UGT1A5: variants seen among roughly 807,000 people sequenced by gnomAD.
The protein encoded by UGT1A5 is UDP glucuronosyltransferase family 1 member A5.
UGT1A5 carries 29 observed loss-of-function variants against 40.3 expected under a neutral mutation model. The ratio of observed to expected loss-of-function variants is 0.72; its 90% CI spans 0.54 to 0.98. The LOEUF is 0.98. Ranked by LOEUF, UGT1A5 falls within the 50% of genes least tolerant of loss-of-function variation. UGT1A5 has a pLI of 0.00. For synonymous variants in UGT1A5, 257 were observed against 262.5 expected (o/e 0.98, Z 0.20); for missense variants, 678 against 677.9 (o/e 1.00, Z 0.00).
At chr2:233,755,026 G>C (rs776900288) in intron 1 of UGT1A5, 1 of 1,306,868 alleles carries the variant, frequency 7.7e-7, no homozygotes, top group Admixed American at 1.9e-5. Context: ...TCCTTGAAGG[G>C]CCTGCCGCCT....
rs1699312675 is a variant in UGT1A5, at chr2:233,767,039, T to C, written c.873T>C (p.Phe291=). The change falls in exon 2 of 5, where the codon TTT becomes TTC. Residue 291 remains phenylalanine, a synonymous_variant. Transcript: ENST00000373414. ...AATTTTTCTTCTGGCTCTAGGAATT[T>C]GAAGCCTACATTAATGCTTCTGGAG... ...CANGKPLSQE[F]EAYINASGEH... 1 of 1,614,136 alleles carries C rather than the reference T, an allele frequency of 6.2e-7. No homozygotes were observed. The highest frequency in any genetic ancestry group is 1.1e-5 in the South Asian group (1 of 91,058).
intron 1 of UGT1A5, among the ~76,000 whole-genome samples, chr2:233,739,549 T>C (rs1346005869): frequency 6.6e-6 from 1 of 152,244 alleles, no homozygotes; most frequent in Non-Finnish European, 1.5e-5. Context: ...AGCTTTAAGA[T>C]TTAATGACTG....
chr2:233,729,873 C>A, intron 1 of UGT1A5: 1 of 1,613,864 alleles, frequency 6.2e-7, no homozygotes, highest in Non-Finnish European at 8.5e-7. Context: ...TGGATATTCT[C>A]AGTCATGCAT....
intron 4 of UGT1A5, among the ~76,000 whole-genome samples, 194 bp from the exon 5 acceptor site, chr2:233,772,068 G>T (rs906285664): frequency 3.9e-5 from 6 of 152,160 alleles, no homozygotes; most frequent in Non-Finnish European, 8.8e-5. Flanking sequence ...AGCCATGCTT[G>T]TGCCACTACA....
intron 1 of UGT1A5, chr2:233,760,760 C>G (rs1218181857): frequency 6.2e-7 from 1 of 1,614,064 alleles, no homozygotes; most frequent in African/African-American, 1.3e-5. Context: ...CCTTGCAGCC[C>G]CATCGTGGCC....
In UGT1A5 at chr2:233,754,158, G is replaced by A. The variant is rs28900389; in HGVS notation, c.868-12876G>A. 9.6e-3 allele frequency: 1,492 copies of A among 156,116 alleles called. 22 individuals carry two copies. The highest frequency in any genetic ancestry group is 0.034 in the African/African-American group (1,420 of 41,562). 9.7% of individuals were successfully genotyped at this position (156,116 alleles called of 1,614,324 possible). A position where few individuals can be genotyped will look rare whatever the true frequency, so the allele number is the denominator to read the frequency against. On this transcript the variant is annotated intron_variant, in intron 1 of 4. Transcript: ENST00000373414. The stretch of plus-strand genomic sequence containing the variant: ...AAAGCCATCATTAAATTAAGCCAGA[G>A]TATTAATATATTCATAGATTTCACC...
At chr2:233,730,473 C>T (rs1012603500) in intron 1 of UGT1A5, among the ~76,000 whole-genome samples, 5 of 152,168 alleles carry the variant, frequency 3.3e-5, no homozygotes, top group African/African-American at 4.8e-5. Flanking sequence ...GAGACCTAGG[C>T]ACTCACATGA....
chr2:233,719,682 T>C lies in UGT1A5; in HGVS notation c.867+5824T>C, dbSNP rs2076795429. 1 of 1,613,968 alleles carries C rather than the reference T, an allele frequency of 6.2e-7. No individual in the cohort carries two copies. Among genetic ancestry groups the C allele is most frequent in the Admixed American group, 1.7e-5 (1 of 60,002 alleles). The stretch of plus-strand genomic sequence containing the variant: ...CAACTGTGCCAACGGGAAGCCACTA[T>C]CTCAGGTCTGTATTGGTGCCTTCAT... On this transcript the variant is annotated intron_variant, in intron 1 of 4. Transcript: ENST00000373414.
In UGT1A5 at chr2:233,755,096, G is replaced by A. The variant is rs62191920; in HGVS notation, c.868-11938G>A. On this transcript the variant is annotated intron_variant, in intron 1 of 4. Transcript: ENST00000373414. ...GGTCATAGATATCGCGTTTCTACGC[G>A]TCCGACAACACCTCGTAGGCCTCAG... 3.7e-6 allele frequency: 5 copies of A among 1,334,470 alleles called. No individual in the cohort carries two copies. The Admixed American group carries it at 7.6e-5, about 20-fold the overall frequency. 82.7% of individuals were successfully genotyped at this position (1,334,470 alleles called of 1,614,324 possible).
chr2:233,713,130 GC>G lies in UGT1A5; in HGVS notation c.141del (p.Leu48CysfsTer18), dbSNP rs768171102. On this transcript the variant is annotated frameshift_variant, in exon 1 of 5. Transcript: ENST00000373414. LOFTEE classifies it high-confidence loss of function. ...DGSHWLSMRE[A>X]LRDLHARGHQ... ...CAGCCACTGGCTCAGCATGCGGGAG[GC>G]CTTGCGGGACCTCCATGCGAGAGGC... 1.2e-4 allele frequency: 197 copies of G among 1,614,124 alleles called. No individual in the cohort carries two copies. Among genetic ancestry groups the G allele is most frequent in the Non-Finnish European group, 1.5e-4 (179 of 1,180,042 alleles).
At chr2:233,735,857 T>C (rs1229821549) in intron 1 of UGT1A5, among the ~76,000 whole-genome samples, 2 of 151,884 alleles carry the variant, frequency 1.3e-5, no homozygotes, top group African/African-American at 4.8e-5. Flanking sequence ...TTCTGTCTTG[T>C]AGGGTTTCTG....
chr2:233,723,542 A>ATTTTTTTTTTTTTT (rs2077098328), intron 1 of UGT1A5, among the ~76,000 whole-genome samples: 1 of 74,520 alleles, frequency 1.3e-5, no homozygotes. Flanking sequence ...TTTTTAATTT[A>ATTTTTTTTTTTTTT]TTTTTTTATT....
At chr2:233,762,380 T>C (rs1370857903) in intron 1 of UGT1A5, among the ~76,000 whole-genome samples, 1 of 152,256 alleles carries the variant, frequency 6.6e-6, no homozygotes, top group Non-Finnish European at 1.5e-5. Context: ...AATATGTATA[T>C]AGAAACATAT....
At chr2:233,730,783 G>A (rs968780327) in intron 1 of UGT1A5, among the ~76,000 whole-genome samples, 1 of 152,100 alleles carries the variant, frequency 6.6e-6, no homozygotes, top group Non-Finnish European at 1.5e-5. Flanking sequence ...AGTGAAGCTG[G>A]GGACAGTGAT....
intron 1 of UGT1A5, among the ~76,000 whole-genome samples, chr2:233,728,192 C>T (rs2077688908): frequency 6.6e-6 from 1 of 152,192 alleles, no homozygotes; most frequent in Non-Finnish European, 1.5e-5. Context: ...GAACTTGGTG[C>T]TGGATTGACT....
Position 233,772,833 on chromosome 2 carries a change from T to G in UGT1A5, c.*274T>G. 1.1e-6 allele frequency: 1 copy of G among 879,514 alleles called. No individual in the cohort carries two copies. Among genetic ancestry groups the G allele is most frequent in the Non-Finnish European group, 1.6e-6 (1 of 630,666 alleles). 54.5% of individuals were successfully genotyped at this position (879,514 alleles called of 1,614,324 possible). A position where few individuals can be genotyped will look rare whatever the true frequency, so the allele number is the denominator to read the frequency against. ...AGGACGTGCAGACAGGCTGGCATTCTAGATTACTTTTCTTACTCTGAAACA... is the reference window on the plus strand; with the variant it reads ...AGGACGTGCAGACAGGCTGGCATTCGAGATTACTTTTCTTACTCTGAAACA... On this transcript the variant is annotated 3_prime_UTR_variant, in exon 5 of 5. Transcript: ENST00000373414.
chr2:233,755,325 G>T, intron 1 of UGT1A5: 1 of 473,384 alleles, frequency 2.1e-6, no homozygotes, highest in Non-Finnish European at 3.6e-6. Flanking sequence ...AAGGCTGCCA[G>T]CACCCGCGCA....
At chr2:233,751,176 G>A (rs1694660149) in intron 1 of UGT1A5, among the ~76,000 whole-genome samples, 1 of 151,990 alleles carries the variant, frequency 6.6e-6, no homozygotes, top group Non-Finnish European at 1.5e-5. Flanking sequence ...CTAGATATGA[G>A]ACATGAAGTT....
At chr2:233,733,027 T>A (rs2078348048) in intron 1 of UGT1A5, among the ~76,000 whole-genome samples, 1 of 152,200 alleles carries the variant, frequency 6.6e-6, no homozygotes, top group Non-Finnish European at 1.5e-5. Context: ...GTCCTTCACA[T>A]CCCTTTTAAG....
Sources: allele counts gnomAD v4.1 joint callset (sites outside exome capture counted in the v4.1 genomes callset), GRCh38; gene constraint gnomAD v4.1.1; transcripts MANE v1.5; gene names NCBI Gene and HGNC (gene_info 2026-07-23, HGNC 2026-07-21).